PDE1A: variants seen among roughly 807,000 people sequenced by gnomAD.
PDE1A encodes the protein phosphodiesterase 1A, also known as dual specificity calcium/calmodulin-dependent 3',5'-cyclic nucleotide phosphodiesterase 1A.
Under a neutral mutation model 61.7 loss-of-function variants are expected in PDE1A, and 35 were observed. The observed-to-expected ratio is 0.57, with a 90% CI of 0.43 to 0.75. The LOEUF is 0.75. PDE1A is among the 30% of genes least tolerant of loss of function. The pLI, the probability that PDE1A is intolerant of heterozygous loss-of-function variation, is 0.00. For synonymous variants in PDE1A, 232 were observed against 213.2 expected (o/e 1.09, Z -0.77); for missense variants, 597 against 630.6 (o/e 0.95, Z 0.57).
Position 182,230,154 on chromosome 2 carries a change from A to C in PDE1A, c.535-8T>G, listed in dbSNP as rs756373683. 6.2e-7 allele frequency: 1 copy of C among 1,608,876 alleles called. No homozygotes were observed. The highest frequency in any genetic ancestry group is 1.3e-5 in the African/African-American group (1 of 74,636). ...TAGGCAAGAAACAGGAATCTGTGGA[A>C]AGTAATAATTATAATTATATTTTGA... On this transcript the variant is annotated splice_region_variant and splice_polypyrimidine_tract_variant and intron_variant, in intron 5 of 13. Coordinates refer to ENST00000351439, the Ensembl canonical transcript of PDE1A.
At chr2:182,337,262 A>T (rs1345519525) in intron 1 of PDE1A, among the ~76,000 whole-genome samples, 2 of 152,164 alleles carry the variant, frequency 1.3e-5, no homozygotes, top group Non-Finnish European at 1.5e-5. Flanking sequence ...AATACATACA[A>T]AATAAAGCAG....
chr2:182,582,182 TC>T, the PDE1A span, among the ~76,000 whole-genome samples: 2 of 152,150 alleles, frequency 1.3e-5, no homozygotes, highest in Non-Finnish European at 2.9e-5. Context: ...GATCAAAATG[TC>T]TGGTTAGATG....
At chr2:182,490,724 T>C (rs966028131) in intron 2 of PDE1A, among the ~76,000 whole-genome samples, 4 of 152,158 alleles carry the variant, frequency 2.6e-5, no homozygotes, top group African/African-American at 9.7e-5. Flanking sequence ...TATAGGCTGA[T>C]CAGAATTATA....
the PDE1A span, among the ~76,000 whole-genome samples, chr2:182,602,539 G>C: frequency 6.6e-6 from 1 of 152,190 alleles, no homozygotes; most frequent in Non-Finnish European, 1.5e-5. Flanking sequence ...TAAATTTCTT[G>C]GGTGGTTTCT....
At chr2:182,503,024 C>A (rs12623018) in intron 2 of PDE1A, among the ~76,000 whole-genome samples, 1 of 148,510 alleles carries the variant, frequency 6.7e-6, no homozygotes, top group Non-Finnish European at 1.5e-5. Context: ...TCTCTCTCCC[C>A]CTCCCCATTC....
intron 2 of PDE1A, among the ~76,000 whole-genome samples, chr2:182,505,523 C>A (rs1000853068): frequency 1.3e-5 from 2 of 150,950 alleles, no homozygotes; most frequent in Non-Finnish European, 3.0e-5. Context: ...ATTACTTTAT[C>A]CCTCACAATT....
chr2:182,471,301 G>T (rs1687014539), intron 2 of PDE1A, among the ~76,000 whole-genome samples: 1 of 151,624 alleles, frequency 6.6e-6, no homozygotes, highest in Non-Finnish European at 1.5e-5. Context: ...TGAATAAGAA[G>T]CTTTCCCTAT....
At chr2:182,472,203 T>C (rs1165626423) in intron 2 of PDE1A, among the ~76,000 whole-genome samples, 1 of 151,922 alleles carries the variant, frequency 6.6e-6, no homozygotes, top group African/African-American at 2.4e-5. Context: ...GTCTCACTAC[T>C]TGGTATCTAC....
chr2:182,487,294 G>A (rs889358545), intron 2 of PDE1A, among the ~76,000 whole-genome samples: 3 of 152,096 alleles, frequency 2.0e-5, no homozygotes, highest in Admixed American at 2.0e-4. Flanking sequence ...TGAAGAAGGT[G>A]GAACTCTCAT....
At chr2:182,176,574 G>A (rs1411311573) in intron 13 of PDE1A, among the ~76,000 whole-genome samples, 9 of 148,660 alleles carry the variant, frequency 6.1e-5, no homozygotes, top group South Asian at 2.2e-4. Flanking sequence ...ATCAGCTTAA[G>A]GAGATTTTGG....
chr2:182,368,437 A>G (rs2125227299), intron 1 of PDE1A, among the ~76,000 whole-genome samples: 1 of 143,386 alleles, frequency 7.0e-6, no homozygotes, highest in African/African-American at 2.6e-5. Flanking sequence ...TATTCATTCC[A>G]TTTATCTGTT....
At chr2:182,293,583 C>A (rs1187968403) in intron 1 of PDE1A, among the ~76,000 whole-genome samples, 1 of 152,074 alleles carries the variant, frequency 6.6e-6, no homozygotes, top group South Asian at 2.1e-4. Context: ...AATAGTGTCC[C>A]CTCATTCGTG....
chr2:182,643,042 T>A, the PDE1A span, among the ~76,000 whole-genome samples: 1 of 152,160 alleles, frequency 6.6e-6, no homozygotes. Flanking sequence ...AGCCACATCC[T>A]CCTCTTAAAG....
At chr2:182,393,962 C>G (rs182352930) in intron 1 of PDE1A, among the ~76,000 whole-genome samples, 1 of 152,334 alleles carries the variant, frequency 6.6e-6, no homozygotes, top group African/African-American at 2.4e-5. Context: ...ATCTTACTGT[C>G]TTCTGAGCTC....
At chr2:182,663,633 G>A in the PDE1A span, among the ~76,000 whole-genome samples, 5 of 151,986 alleles carry the variant, frequency 3.3e-5, no homozygotes, top group African/African-American at 9.7e-5. Context: ...GAGAACACAC[G>A]GACACATAGA....
chr2:182,272,223 C>T (rs1693076763), intron 1 of PDE1A, among the ~76,000 whole-genome samples: 1 of 152,096 alleles, frequency 6.6e-6, no homozygotes, highest in Admixed American at 6.6e-5. Context: ...TTAGAATCTC[C>T]ATGCTGAAAG....
intron 1 of PDE1A, among the ~76,000 whole-genome samples, chr2:182,334,429 G>A (rs183429895): frequency 1.5e-4 from 23 of 152,266 alleles, no homozygotes; most frequent in Non-Finnish European, 2.4e-4. Flanking sequence ...TATGCAACAC[G>A]ATCAAGTTGG....
At chr2:182,634,020 G>A in the PDE1A span, among the ~76,000 whole-genome samples, 1 of 151,988 alleles carries the variant, frequency 6.6e-6, no homozygotes, top group African/African-American at 2.4e-5. Flanking sequence ...ACCTAAGAGG[G>A]AGAGGTTGCA....
chr2:182,698,089 A>T, the PDE1A span, among the ~76,000 whole-genome samples: 1,202 of 152,330 alleles, frequency 7.9e-3, 15 homozygotes, highest in African/African-American at 0.027. Context: ...ATTGAAGGTT[A>T]GCATTTTCTC....
Sources: gnomAD v4.1 joint callset for allele counts (sites outside exome capture counted in the v4.1 genomes callset) on GRCh38, gnomAD v4.1.1 for gene constraint, MANE v1.5 for transcripts, NCBI Gene and HGNC (gene_info 2026-07-23, HGNC 2026-07-21) for gene names.